The following PDCD2L variants were observed in gnomAD, a reference collection of about 807,000 sequenced individuals.
The protein encoded by PDCD2L is uS5 assembly chaperone PDCD2L.
In PDCD2L, 44 loss-of-function variants were observed where a neutral mutation model predicts 40.4. That is an observed-to-expected ratio of 1.09 (90% CI 0.86 to 1.40). PDCD2L has a LOEUF of 1.40. Ranked by LOEUF, PDCD2L falls within the 40% of genes most tolerant of loss-of-function variation. The pLI is 0.00. For missense variants in PDCD2L, 470 were observed against 453.7 expected, an observed-to-expected ratio of 1.04 and a Z score of -0.33; for synonymous variants, 194 against 174.6, an observed-to-expected ratio of 1.11 and a Z score of -0.88.
intron 5 of PDCD2L, among the ~76,000 whole-genome samples, chr19:34,420,003 G>A (rs1014237172): frequency 2.6e-5 from 4 of 151,450 alleles, no homozygotes; most frequent in African/African-American, 7.3e-5. Context: ...ATTATTATTC[G>A]AGACAGAGTC....
intron 3 of PDCD2L, among the ~76,000 whole-genome samples, chr19:34,406,235 A>C (rs2075074787): frequency 3.3e-5 from 5 of 152,342 alleles, no homozygotes; most frequent in Middle Eastern, 3.4e-3. Flanking sequence ...ATAATGTATA[A>C]ATTTATGAGG....
rs758183762 is a variant in PDCD2L at position 34,409,483 on chromosome 19, T to C, written c.659T>C (p.Ile220Thr). 6.2e-6 allele frequency: 10 copies of C among 1,613,900 alleles called. No homozygotes were observed. In the Admixed American group the frequency reaches 1.5e-4, roughly 24 times the overall value. The part of the protein sequence containing the change: ...LLRDYQQREG[I>T]AMDQLLSQSL... Reference sequence around the variant, plus strand: ...AGGGACTATCAGCAGAGAGAAGGCATTGCCATGGATCAGTTGCTTTCCCAA... The same window carrying C: ...AGGGACTATCAGCAGAGAGAAGGCACTGCCATGGATCAGTTGCTTTCCCAA... Residue 220 changes from isoleucine to threonine, a missense_variant, in exon 4 of 7, where the codon ATT becomes ACT. Ile to Thr is a moderately conservative substitution (Grantham distance 89). Transcript: ENST00000246535.
intron 6 of PDCD2L, among the ~76,000 whole-genome samples, chr19:34,424,259 A>AT (rs111290168): frequency 4.0e-5 from 6 of 151,700 alleles, no homozygotes; most frequent in African/African-American, 9.7e-5. Context: ...GGGTGGTCTG[A>AT]TTTTTTCCCC....
intron 5 of PDCD2L, among the ~76,000 whole-genome samples, chr19:34,417,189 T>C (rs2075130107): frequency 6.6e-6 from 1 of 151,948 alleles, no homozygotes; most frequent in African/African-American, 2.4e-5. Flanking sequence ...TATAAGAACT[T>C]CATAAGAATG....
chr19:34,416,991 A>G (rs1368001338), intron 5 of PDCD2L, among the ~76,000 whole-genome samples: 4 of 151,726 alleles, frequency 2.6e-5, no homozygotes, highest in East Asian at 1.9e-4. Flanking sequence ...GTGGGTGCCT[A>G]TAGTCCCAGC....
intron 6 of PDCD2L, 118 bp downstream of exon 6, chr19:34,421,785 A>G: frequency 7.4e-7 from 1 of 1,346,616 alleles, no homozygotes; most frequent in Non-Finnish European, 9.9e-7. Flanking sequence ...TTTGGGAATT[A>G]AAAAATTATT....
At chr19:34,421,407 G>C (rs920632784) in intron 5 of PDCD2L, 112 bp from the exon 6 acceptor site, 25 of 1,258,594 alleles carry the variant, frequency 2.0e-5, no homozygotes, top group Non-Finnish European at 2.8e-5. Flanking sequence ...TAGGTTTTTG[G>C]GCCTCTGGGA....
intron 4 of PDCD2L, among the ~76,000 whole-genome samples, chr19:34,411,243 CTTTT>C (rs34836648): frequency 1.8e-4 from 18 of 99,246 alleles, no homozygotes; most frequent in Non-Finnish European, 3.2e-4. Context: ...TGGTTATGGC[CTTTT>C]TTTTTTTTTT....
chr19:34,424,211 A>T (rs2075165610), intron 6 of PDCD2L, among the ~76,000 whole-genome samples: 1 of 151,864 alleles, frequency 6.6e-6, no homozygotes, highest in African/African-American at 2.4e-5. Context: ...TCATATAGAA[A>T]TGTCTTTTGC....
chr19:34,404,769 G>A lies in PDCD2L; in HGVS notation c.229G>A (p.Val77Met). The A allele has an allele frequency of 6.2e-7, 1 of 1,609,278 alleles. No homozygotes were observed. Among genetic ancestry groups the A allele is most frequent in the Admixed American group, 1.7e-5 (1 of 59,604 alleles). The change falls in exon 2 of 7, where the codon GTG becomes ATG. Residue 77 changes from valine (V) to methionine (M), a missense_variant. Transcript: ENST00000246535. ...EGSPFHRLLH[V>M]FACACPGCST... ...CTCCCCGTTTCACCGTCTGCTGCACGTGTTCGCGTGCGCCTGCCCCGGCTG... is the reference window on the plus strand; with the variant it reads ...CTCCCCGTTTCACCGTCTGCTGCACATGTTCGCGTGCGCCTGCCCCGGCTG...
intron 3 of PDCD2L, among the ~76,000 whole-genome samples, chr19:34,407,004 TTTTTATA>T (rs1277380239): frequency 6.6e-6 from 1 of 151,658 alleles, no homozygotes; most frequent in Non-Finnish European, 1.5e-5. Flanking sequence ...GCCCAGCTAA[TTTTTATA>T]TTTTTAGTAG....
At position 34,404,695 on chromosome 19, in the gene PDCD2L, G is replaced by T; in HGVS notation, c.155G>T (p.Cys52Phe). 6.2e-7 allele frequency: 1 copy of T among 1,612,040 alleles called. No homozygotes were observed. Residue 52 changes from cysteine to phenylalanine, a missense_variant, in exon 2 of 7, where the codon TGC becomes TTC. Transcript: ENST00000246535. ...VAAPRPVCQRCGQPLALVVQV... is the reference protein window; with the variant it reads ...VAAPRPVCQRFGQPLALVVQV... ...GCGCCCAGGCCCGTGTGTCAGCGCT[G>T]CGGGCAGCCGCTCGCTCTGGTCGTG...
chr19:34,411,162 C>CTTT (rs766712244), intron 4 of PDCD2L, among the ~76,000 whole-genome samples: 114 of 61,662 alleles, frequency 1.8e-3, no homozygotes, highest in Non-Finnish European at 3.0e-3. Context: ...GAGTATTCTT[C>CTTT]TTTTTTTTTT....
rs756826188 is a variant in PDCD2L at position 34,413,741 on chromosome 19, C to T, written c.691C>T (p.Pro231Ser). ...GTTTTCTGCTTCTGTTTTTAGCCTT[C>T]CTAATGATGGTGATGAAAAATATGA... ...AMDQLLSQSL[P>S]NDGDEKYEKT... The change falls in exon 5 of 7, where the codon CCT becomes TCT. Residue 231 changes from proline to serine, a missense_variant. Coordinates refer to ENST00000246535, the MANE Select transcript of PDCD2L (RefSeq NM_032346.2). 6 of 1,556,768 alleles carry T rather than the reference C, an allele frequency of 3.9e-6. No homozygotes were observed. The highest frequency in any genetic ancestry group is 1.7e-5 in the Admixed American group (1 of 57,780).
At position 34,420,037 on chromosome 19, in the gene PDCD2L, T is replaced by G. The variant is rs558108145; in HGVS notation, c.798-1482T>G. Among the ~76,000 whole-genome samples the G allele has an allele frequency of 9.2e-5, 14 of 152,174 alleles. 1 individual carries two copies. The South Asian group carries it at 2.3e-3, about 25-fold the overall frequency. On this transcript the variant is annotated intron_variant, in intron 5 of 6. Coordinates refer to ENST00000246535, the MANE Select transcript of PDCD2L (RefSeq NM_032346.2). ...TCTTGCTCTATCATCCAGGCTGGAGTGCAGTGGAGCAATCTCAGTTCACTG... is the reference window on the plus strand; with the variant it reads ...TCTTGCTCTATCATCCAGGCTGGAGGGCAGTGGAGCAATCTCAGTTCACTG...
chr19:34,422,365 A>C (rs1166975688), intron 6 of PDCD2L: 1 of 151,332 alleles, frequency 6.6e-6, no homozygotes, highest in African/African-American at 2.4e-5. Flanking sequence ...CCAGGATGGA[A>C]TTTTTGTATT....
In PDCD2L at chr19:34,404,529, C is replaced by T; in HGVS notation, c.99C>T (p.Gly33=). The T allele has an allele frequency of 1.3e-6, 2 of 1,544,654 alleles. No individual in the cohort carries two copies. Among genetic ancestry groups the T allele is most frequent in the Middle Eastern group, 3.9e-4 (2 of 5,144 alleles). The change falls in exon 1 of 7, where the codon GGC becomes GGT. Residue 33 remains glycine (G), a synonymous_variant. Transcript: ENST00000246535. ...GPGAWTASKL[G]GIPDALPTVA... ...GTGCCTGGACTGCTAGCAAGCTGGG[C>T]GGCATTCCGGTGAGGGCGGGTGCCG...
chr19:34,419,034 C>CA (rs1453158624), intron 5 of PDCD2L, among the ~76,000 whole-genome samples: 1 of 152,170 alleles, frequency 6.6e-6, no homozygotes, highest in South Asian at 2.1e-4. Flanking sequence ...TTTTAGCACT[C>CA]AAACAGATTC....
chr19:34,408,070 G>A (rs1473237278), intron 3 of PDCD2L, among the ~76,000 whole-genome samples: 2 of 151,938 alleles, frequency 1.3e-5, no homozygotes, highest in African/African-American at 4.8e-5. Flanking sequence ...ACCATGCCCA[G>A]CTGATTTTCA....
Sources: gnomAD v4.1 joint callset for allele counts (sites outside exome capture counted in the v4.1 genomes callset) on GRCh38, gnomAD v4.1.1 for gene constraint, MANE v1.5 for transcripts, NCBI Gene and HGNC (gene_info 2026-07-23, HGNC 2026-07-21) for gene names.